Variants in SLC37A3 observed in about 807,000 individuals in gnomAD.
The protein encoded by SLC37A3 is solute carrier family 37 member 3.
Under a neutral mutation model 67.1 loss-of-function variants are expected in SLC37A3, and 51 were observed. The observed-to-expected ratio is 0.76, with a 90% CI of 0.61 to 0.96. The LOEUF is 0.96. Among genes scored for constraint, SLC37A3 ranks in the 40% least tolerant of loss-of-function variants. The pLI, the probability that SLC37A3 is intolerant of heterozygous loss-of-function variation, is 0.00. For missense variants in SLC37A3, 508 were observed against 603.0 expected (o/e 0.84, Z 1.65); for synonymous variants, 214 against 231.4 (o/e 0.92, Z 0.68).
At chr7:140,355,556 CA>C (rs1796989915) in intron 7 of SLC37A3, 111 bp downstream of exon 7, 2 of 981,464 alleles carry the variant, frequency 2.0e-6, no homozygotes, top group African/African-American at 3.3e-5. Context: ...CCTATCCAGA[CA>C]CAGTTCTACA....
At chr7:140,366,036 C>T (rs562972252) in intron 4 of SLC37A3, among the ~76,000 whole-genome samples, 6 of 138,778 alleles carry the variant, frequency 4.3e-5, no homozygotes, top group Admixed American at 2.4e-4. Flanking sequence ...CTCCTAGGTT[C>T]GAGCAATTCT....
intron 2 of SLC37A3, among the ~76,000 whole-genome samples, chr7:140,381,367 A>C (rs1240436302): frequency 4.0e-5 from 6 of 151,684 alleles, no homozygotes; most frequent in Non-Finnish European, 7.4e-5. Context: ...TAATAATAAA[A>C]AATAATAATA....
intron 1 of SLC37A3, 46 bp downstream of exon 1, chr7:140,398,370 C>G (rs888050703): frequency 6.6e-6 from 1 of 152,366 alleles, no homozygotes; most frequent in Non-Finnish European, 1.5e-5. Context: ...TTGGACCCGC[C>G]CCCGCCCCAG....
rs1796076539 is a variant in SLC37A3, at chr7:140,335,004, G to A, written c.*408C>T. Reference sequence around the variant, plus strand: ...AAATGCAATGATCTCTTCCATTTGTGGAACATACCACCAACACAAACCACG... The same window carrying A: ...AAATGCAATGATCTCTTCCATTTGTAGAACATACCACCAACACAAACCACG... On this transcript the variant is annotated 3_prime_UTR_variant, in exon 15 of 15. Transcript: ENST00000326232. The A allele has an allele frequency of 2.1e-6, 1 of 480,990 alleles. No individual in the cohort carries two copies. Among genetic ancestry groups the A allele is most frequent in the Non-Finnish European group, 3.8e-6 (1 of 264,462 alleles). The allele number at this position is 480,990 out of a possible 1,614,324, so 29.8% of individuals were successfully genotyped here. A position where few individuals can be genotyped will look rare whatever the true frequency, so the allele number is the denominator to read the frequency against.
At chr7:140,371,457 C>A (rs1416111142) in intron 3 of SLC37A3, among the ~76,000 whole-genome samples, 1 of 152,220 alleles carries the variant, frequency 6.6e-6, no homozygotes, top group Non-Finnish European at 1.5e-5. Flanking sequence ...CAGGCGTGAG[C>A]CACCGTGCCC....
intron 14 of SLC37A3, 117 bp from the exon 15 acceptor site, chr7:140,335,621 T>C (rs1353989321): frequency 2.9e-5 from 36 of 1,241,226 alleles, no homozygotes; most frequent in Admixed American, 4.5e-5. Context: ...CATACAAAGA[T>C]AATGTTTAAT....
chr7:140,340,306 T>G (rs199984469), intron 13 of SLC37A3, among the ~76,000 whole-genome samples: 1 of 151,872 alleles, frequency 6.6e-6, no homozygotes, highest in African/African-American at 2.4e-5. Flanking sequence ...TTTTTTTTTT[T>G]TCTTTCCTCT....
chr7:140,364,396 C>T lies in SLC37A3; in HGVS notation c.375+12G>A, dbSNP rs112141414. The T allele has an allele frequency of 1.2e-6, 2 of 1,611,068 alleles. No homozygotes were observed. Among genetic ancestry groups the T allele is most frequent in the African/African-American group, 1.3e-5 (1 of 74,772 alleles). ...CTGACCAAAATAATAATAATAAGAC[C>T]TTTCAACTTACCACTAATGCAGAAG... On this transcript the variant is annotated intron_variant, in intron 5 of 14. Transcript: ENST00000326232.
intron 13 of SLC37A3, 136 bp from the exon 14 acceptor site, chr7:140,337,485 C>A: frequency 1.5e-6 from 1 of 661,276 alleles, no homozygotes; most frequent in South Asian, 2.9e-5. Flanking sequence ...GTTTACAAAG[C>A]TCTTCCACAT....
At chr7:140,375,560 C>T (rs1320140924) in intron 3 of SLC37A3, among the ~76,000 whole-genome samples, 1 of 152,072 alleles carries the variant, frequency 6.6e-6, no homozygotes, top group Non-Finnish European at 1.5e-5. Context: ...TATTTTTAAT[C>T]CATGTCAAGT....
intron 2 of SLC37A3, among the ~76,000 whole-genome samples, chr7:140,382,013 CAAA>C (rs35848661): frequency 7.7e-5 from 7 of 90,730 alleles, no homozygotes; most frequent in Admixed American, 1.3e-4. Context: ...TACTCCGTCT[CAAA>C]AAAAAAAAAA....
At chr7:140,384,235 T>C (rs539488713) in intron 1 of SLC37A3, among the ~76,000 whole-genome samples, 3 of 152,312 alleles carry the variant, frequency 2.0e-5, no homozygotes, top group African/African-American at 7.2e-5. Flanking sequence ...TGGGAGCCGG[T>C]TATAAATCTA....
At chr7:140,374,900 C>T in intron 3 of SLC37A3, among the ~76,000 whole-genome samples, 1 of 151,990 alleles carries the variant, frequency 6.6e-6, no homozygotes, top group East Asian at 1.9e-4. Flanking sequence ...GTAATCCCAA[C>T]ACTTTGGGAG....
chr7:140,360,725 C>T, intron 5 of SLC37A3, among the ~76,000 whole-genome samples: 1 of 115,644 alleles, frequency 8.6e-6, no homozygotes, highest in African/African-American at 3.4e-5. Context: ...CAGAGCAAGA[C>T]TCCGTTTAAA....
intron 8 of SLC37A3, chr7:140,351,681 A>C: frequency 1.7e-6 from 1 of 575,904 alleles, no homozygotes; most frequent in African/African-American, 1.9e-5. Flanking sequence ...TTTCATTTGT[A>C]TGTAATCTGT....
chr7:140,373,853 A>G (rs1420009858), intron 3 of SLC37A3, among the ~76,000 whole-genome samples: 2 of 152,146 alleles, frequency 1.3e-5, no homozygotes, highest in East Asian at 3.8e-4. Flanking sequence ...CAAAGGAGAC[A>G]TGAAAACCCA....
intron 5 of SLC37A3, among the ~76,000 whole-genome samples, chr7:140,364,195 G>A (rs994271994): frequency 6.6e-6 from 1 of 151,344 alleles, no homozygotes; most frequent in East Asian, 2.0e-4. Flanking sequence ...AGGTTGCAGT[G>A]AGCTGAGATC....
chr7:140,369,419 T>C (rs998028076), intron 4 of SLC37A3, among the ~76,000 whole-genome samples, 171 bp downstream of exon 4: 3 of 152,176 alleles, frequency 2.0e-5, no homozygotes, highest in African/African-American at 4.8e-5. Flanking sequence ...GCAATAAATA[T>C]CTGTCGAATG....
rs1796178319 is a variant in SLC37A3 at position 140,337,264 on chromosome 7, T to C, written c.1392+20A>G. 2 of 1,540,348 alleles carry C rather than the reference T, an allele frequency of 1.3e-6. No homozygotes were observed. ...TAACAGAAAAATGACTTTTTTTTTT[T>C]TAAAGGGGCACACACTTACCATGAG... On this transcript the variant is annotated intron_variant, in intron 14 of 14. Coordinates refer to ENST00000326232, the MANE Select transcript of SLC37A3 (RefSeq NM_207113.3).
Sources: gnomAD v4.1 joint callset for allele counts (sites outside exome capture counted in the v4.1 genomes callset) on GRCh38, gnomAD v4.1.1 for gene constraint, MANE v1.5 for transcripts, NCBI Gene and HGNC (gene_info 2026-07-23, HGNC 2026-07-21) for gene names.